The following TLDC2 variants were observed in gnomAD, a reference collection of about 807,000 sequenced individuals.
TLDC2 encodes TBC/LysM-associated domain containing 2, also known as TLD domain-containing protein 2.
TLDC2 carries 23 observed loss-of-function variants against 27.9 expected under a neutral mutation model. The observed-to-expected ratio is 0.82, with a 90% confidence interval of 0.59 to 1.17. TLDC2 has a LOEUF of 1.17. Ranked by LOEUF, TLDC2 falls within the 50% of genes most tolerant of loss-of-function variation. The pLI is 0.00. For missense variants in TLDC2, 286 were observed against 273.4 expected (o/e 1.05, Z -0.32); for synonymous variants, 124 against 107.4 (o/e 1.16, Z -0.96).
chr20:36,892,694 G>A, intron 6 of TLDC2, 168 bp from the exon 7 acceptor site: 1 of 578,934 alleles, frequency 1.7e-6, no homozygotes, highest in Non-Finnish European at 3.1e-6. Flanking sequence ...ATAGACTACT[G>A]AAGGAGAAAG....
chr20:36,877,031 C>T (rs1043374665), intron 1 of TLDC2, among the ~76,000 whole-genome samples: 5 of 152,230 alleles, frequency 3.3e-5, no homozygotes, highest in South Asian at 2.1e-4. Flanking sequence ...CATCATTTCA[C>T]GGGCTTCATG....
In TLDC2 at chr20:36,887,607, C is replaced by A; in HGVS notation, c.512+79C>A. On this transcript the variant is annotated intron_variant, in intron 5 of 6. Coordinates refer to ENST00000217320, the MANE Select transcript of TLDC2 (RefSeq NM_080628.3). ...CCCTCTGCCGAACTGCTGGGCTAGG[C>A]TGCCCTTGATGCAATGGCGAGGCTA... is the stretch of plus-strand genomic sequence containing the variant. 14 of 1,398,478 alleles carry A rather than the reference C, an allele frequency of 1.0e-5. No homozygotes were observed. In the South Asian group the frequency reaches 1.4e-4, roughly 14 times the overall value. 86.6% of individuals were successfully genotyped at this position (1,398,478 alleles called of 1,614,324 possible). A position where few individuals can be genotyped will look rare whatever the true frequency, so the allele number is the denominator to read the frequency against.
intron 3 of TLDC2, 148 bp from the exon 4 acceptor site, chr20:36,880,507 C>T (rs748608147): frequency 9.4e-5 from 59 of 625,190 alleles, no homozygotes; most frequent in Non-Finnish European, 1.5e-4. Context: ...GATTCCTGCT[C>T]TTGGGTGTGG....
intron 6 of TLDC2, 192 bp downstream of exon 6, chr20:36,889,595 G>T: frequency 1.7e-6 from 1 of 593,936 alleles, no homozygotes; most frequent in Non-Finnish European, 2.8e-6. Context: ...AGGATTAAAA[G>T]ACGCTTACAC....
At chr20:36,887,288 T>C (rs1989940963) in intron 4 of TLDC2, among the ~76,000 whole-genome samples, 167 bp from the exon 5 acceptor site, 1 of 151,544 alleles carries the variant, frequency 6.6e-6, no homozygotes, top group Non-Finnish European at 1.5e-5. Flanking sequence ...CCAAGGAGAC[T>C]GAGAAGATAA....
intron 4 of TLDC2, among the ~76,000 whole-genome samples, chr20:36,884,929 A>C (rs942916567): frequency 8.5e-6 from 1 of 117,258 alleles, no homozygotes; most frequent in Non-Finnish European, 1.6e-5. Flanking sequence ...CCCAGGCTGG[A>C]GTGCAGTGGG....
Position 36,876,144 on chromosome 20 carries a change from T to C in TLDC2, c.-31T>C, listed in dbSNP as rs1489342328. Reference sequence around the variant, plus strand: ...TGGGCAGGGCTGAGGATTCACTCACTGCCCACGGCCGGCTGAGCAGGGACA... The same window carrying C: ...TGGGCAGGGCTGAGGATTCACTCACCGCCCACGGCCGGCTGAGCAGGGACA... On this transcript the variant is annotated 5_prime_UTR_variant, in exon 1 of 7. Coordinates refer to ENST00000217320, the MANE Select transcript of TLDC2 (RefSeq NM_080628.3). The C allele has an allele frequency of 6.2e-7, 1 of 1,614,018 alleles. No homozygotes were observed. Among genetic ancestry groups the C allele is most frequent in the Non-Finnish European group, 8.5e-7 (1 of 1,179,912 alleles).
At chr20:36,882,867 C>A (rs1989844502) in intron 4 of TLDC2, among the ~76,000 whole-genome samples, 1 of 152,172 alleles carries the variant, frequency 6.6e-6, no homozygotes. Context: ...CTAGAATTTT[C>A]CTTCCATTGC....
At chr20:36,886,624 T>C (rs138821039) in intron 4 of TLDC2, among the ~76,000 whole-genome samples, 348 of 152,046 alleles carry the variant, frequency 2.3e-3, no homozygotes, top group Non-Finnish European at 3.7e-3. Context: ...TTTTTAGAGA[T>C]AGGGGAGGGT....
intron 6 of TLDC2, chr20:36,892,635 GA>G (rs932979050): frequency 2.8e-5 from 11 of 397,234 alleles, no homozygotes; most frequent in Admixed American, 7.8e-5. Context: ...TCTTAAAAAA[GA>G]AAAAAAATAG....
chr20:36,886,241 C>T (rs1989918448), intron 4 of TLDC2, among the ~76,000 whole-genome samples: 1 of 152,158 alleles, frequency 6.6e-6, no homozygotes, highest in Admixed American at 6.5e-5. Flanking sequence ...GATCCTTCCA[C>T]CTTAGCCTCC....
chr20:36,877,408 AAAG>A (rs1230270262), intron 1 of TLDC2, among the ~76,000 whole-genome samples: 55 of 152,096 alleles, frequency 3.6e-4, no homozygotes, highest in African/African-American at 1.2e-3. Flanking sequence ...GAAAAAGAAA[AAAG>A]AAGAAGAAAC....
chr20:36,877,949 AGAG>A lies in TLDC2; in HGVS notation c.95_97del (p.Glu32del), dbSNP rs1304913834. The A allele has an allele frequency of 1.2e-6, 2 of 1,613,990 alleles. No individual in the cohort carries two copies. The highest frequency in any genetic ancestry group is 2.2e-5 in the South Asian group (2 of 91,066). On this transcript the variant is annotated inframe_deletion, in exon 2 of 7. Coordinates refer to ENST00000217320, the MANE Select transcript of TLDC2 (RefSeq NM_080628.3). Reference sequence around the variant, plus strand: ...CTGGGGAGGAGGGTAACGAAGAGGAAGAGGAGGAGGAGGCAGCTCCAGACCCAG... The same window carrying A: ...CTGGGGAGGAGGGTAACGAAGAGGAAGAGGAGGAGGCAGCTCCAGACCCAG...
At chr20:36,882,325 TTGAGCCCA>T in intron 4 of TLDC2, among the ~76,000 whole-genome samples, 1 of 152,134 alleles carries the variant, frequency 6.6e-6, no homozygotes, top group Non-Finnish European at 1.5e-5. Flanking sequence ...GGAGGATCGC[TTGAGCCCA>T]GGAGTTCAAG....
intron 4 of TLDC2, among the ~76,000 whole-genome samples, chr20:36,881,528 G>A (rs975171491): frequency 3.3e-5 from 5 of 152,220 alleles, no homozygotes; most frequent in African/African-American, 1.2e-4. Context: ...TGTGAGTGGC[G>A]GCTTGGGTTG....
chr20:36,879,000 G>A (rs763746796), intron 2 of TLDC2, 41 bp from the exon 3 acceptor site: 85 of 1,613,554 alleles, frequency 5.3e-5, no homozygotes, highest in African/African-American at 2.3e-4. Context: ...GCAGGAGGGC[G>A]CGAGGAGAAC....
At position 36,892,930 on chromosome 20, in the gene TLDC2, A is replaced by G. The variant is rs200398507; in HGVS notation, c.*86A>G. The G allele has an allele frequency of 5.0e-6, 8 of 1,614,078 alleles. No homozygotes were observed. In the East Asian group the frequency reaches 1.6e-4, roughly 31 times the overall value. On this transcript the variant is annotated 3_prime_UTR_variant, in exon 7 of 7. Transcript: ENST00000217320. ...AGTTTGTAAACAACTGACTACAGAC[A>G]TTCACATTGGGTCATCTTTAAAAAG...
chr20:36,876,338 G>T, intron 1 of TLDC2, 131 bp downstream of exon 1: 1 of 1,257,012 alleles, frequency 8.0e-7, no homozygotes, highest in Non-Finnish European at 1.2e-6. Flanking sequence ...CTCCCTGGCA[G>T]GCCTGTGGTT....
At position 36,893,103 on chromosome 20, in the gene TLDC2, A is replaced by C. The variant is rs768050438; in HGVS notation, c.*259A>C. 1 of 1,608,516 alleles carries C rather than the reference A, an allele frequency of 6.2e-7. No homozygotes were observed. Among genetic ancestry groups the C allele is most frequent in the Admixed American group, 1.7e-5 (1 of 60,008 alleles). ...AGAGAGAAAAACAGGCAATAGAGAA[A>C]AGCCAGTTTCCATCATCTTATTTCT... is the stretch of plus-strand genomic sequence containing the variant. On this transcript the variant is annotated 3_prime_UTR_variant, in exon 7 of 7. Transcript: ENST00000217320.
Sources: gnomAD v4.1 joint callset for allele counts (sites outside exome capture counted in the v4.1 genomes callset) on GRCh38, gnomAD v4.1.1 for gene constraint, MANE v1.5 for transcripts, NCBI Gene and HGNC (gene_info 2026-07-23, HGNC 2026-07-21) for gene names.